The following TMEM117 variants were observed in gnomAD, a reference collection of about 807,000 sequenced individuals.
TMEM117 encodes transmembrane protein 117.
In TMEM117, 27 loss-of-function variants were observed where a neutral mutation model predicts 52.4. The observed-to-expected ratio is 0.51, with a 90% CI of 0.38 to 0.71. TMEM117 has a LOEUF of 0.71. Ranked by LOEUF, TMEM117 falls within the 30% of genes least tolerant of loss-of-function variation. The pLI is 0.00. For synonymous variants in TMEM117, 215 were observed against 206.3 expected, an observed-to-expected ratio of 1.04 and a Z score of -0.36; for missense variants, 556 against 630.5, an observed-to-expected ratio of 0.88 and a Z score of 1.26.
At position 44,142,491 on chromosome 12, in the gene TMEM117, A is replaced by G. The variant is rs926897073; in HGVS notation, c.411-1034A>G. Among the ~76,000 whole-genome samples, 5 of 152,186 alleles carry G rather than the reference A, an allele frequency of 3.3e-5. No individual in the cohort carries two copies. In the East Asian group the frequency reaches 7.7e-4, roughly 23 times the overall value. Reference sequence around the variant, plus strand: ...CAGAAAAGAAAAGACTGAATTGGAGATAGTTTACCTCTCAGTGACTTCAAA... The same window carrying G: ...CAGAAAAGAAAAGACTGAATTGGAGGTAGTTTACCTCTCAGTGACTTCAAA... On this transcript the variant is annotated intron_variant, in intron 3 of 7. Transcript: ENST00000266534.
At chr12:44,223,640 T>C (rs1949820128) in intron 5 of TMEM117, among the ~76,000 whole-genome samples, 1 of 152,200 alleles carries the variant, frequency 6.6e-6, no homozygotes, top group Admixed American at 6.6e-5. Flanking sequence ...AAGAATAGGC[T>C]GCTCACATTT....
chr12:44,169,183 G>A (rs991160536), intron 4 of TMEM117, among the ~76,000 whole-genome samples: 4 of 152,132 alleles, frequency 2.6e-5, no homozygotes, highest in Non-Finnish European at 5.9e-5. Flanking sequence ...ATCTCTTCAA[G>A]TCTCTGTTTT....
intron 3 of TMEM117, among the ~76,000 whole-genome samples, chr12:44,096,040 T>C (rs1947754809): frequency 6.6e-6 from 1 of 152,148 alleles, no homozygotes; most frequent in African/African-American, 2.4e-5. Context: ...AAAATCAATG[T>C]ACAAAAATCA....
intron 2 of TMEM117, among the ~76,000 whole-genome samples, chr12:43,902,616 G>A (rs1027417906): frequency 6.6e-6 from 1 of 152,094 alleles, no homozygotes; most frequent in African/African-American, 2.4e-5. Context: ...GAGGGTATTG[G>A]AACCAGACAG....
At chr12:43,806,155 AGCCCTCCCG>A in the TMEM117 span, 14 of 1,374,884 alleles carry the variant, frequency 1.0e-5, no homozygotes, top group Non-Finnish European at 1.3e-5. Context: ...CCGGTCCTGC[AGCCCTCCCG>A]GCTCTCCCGG....
intron 2 of TMEM117, among the ~76,000 whole-genome samples, chr12:43,901,275 G>T (rs1944299539): frequency 6.6e-6 from 1 of 151,928 alleles, no homozygotes; most frequent in Non-Finnish European, 1.5e-5. Flanking sequence ...TTCAACAATA[G>T]ATCATTCATT....
rs187770788 is a variant in TMEM117, at chr12:44,099,525, T to A, written c.411-44000T>A. On this transcript the variant is annotated intron_variant, in intron 3 of 7. Transcript: ENST00000266534. ...AGTAGGGTGTCTAAAACTTTAAAAC[T>A]TTTTGTTTTGTTTTTCAAACTTTTG... 7.2e-5 allele frequency among the ~76,000 whole-genome samples: 11 copies of A among 152,226 alleles called. No homozygotes were observed. In the East Asian group the frequency reaches 9.7e-4, roughly 13 times the overall value.
chr12:44,178,488 T>G (rs1021037139), intron 4 of TMEM117, among the ~76,000 whole-genome samples: 2 of 151,206 alleles, frequency 1.3e-5, no homozygotes, highest in Non-Finnish European at 1.5e-5. Flanking sequence ...TATGCAGAAC[T>G]GTATATCTTC....
At chr12:44,165,189 C>T (rs73290245) in intron 4 of TMEM117, among the ~76,000 whole-genome samples, 11,791 of 152,018 alleles carry the variant, frequency 0.078, 1,380 homozygotes, top group African/African-American at 0.26. Flanking sequence ...TGTGAACACA[C>T]AAAAGTTTAA....
intron 3 of TMEM117, among the ~76,000 whole-genome samples, chr12:43,953,029 A>G (rs1489144622): frequency 6.6e-6 from 1 of 152,194 alleles, no homozygotes; most frequent in East Asian, 1.9e-4. Flanking sequence ...CCAGAATTTC[A>G]TATCCAGCCA....
intron 5 of TMEM117, among the ~76,000 whole-genome samples, chr12:44,242,189 G>C (rs1424508670): frequency 2.0e-5 from 3 of 151,074 alleles, no homozygotes; most frequent in Non-Finnish European, 3.0e-5. Context: ...TGTTATATAG[G>C]TAAACTCATG....
At position 44,376,005 on chromosome 12, in the gene TMEM117, A is replaced by G. The variant is rs181978324; in HGVS notation, c.769-590A>G. On this transcript the variant is annotated intron_variant, in intron 6 of 7. Transcript: ENST00000266534. ...TAATTCACTGTTGATCCCTCATGCT[A>G]CCATGTCAGGTCTTCCATTATTTGG... is the stretch of plus-strand genomic sequence containing the variant. 3.9e-5 allele frequency among the ~76,000 whole-genome samples: 6 copies of G among 152,296 alleles called. No homozygotes were observed. The East Asian group carries it at 1.2e-3, about 29-fold the overall frequency.
chr12:44,084,335 C>T, intron 3 of TMEM117, among the ~76,000 whole-genome samples: 1 of 152,054 alleles, frequency 6.6e-6, no homozygotes, highest in Non-Finnish European at 1.5e-5. Context: ...TGATAACTAC[C>T]TAAGCCATTA....
chr12:44,170,215 G>C (rs1333775169), intron 4 of TMEM117, among the ~76,000 whole-genome samples: 1 of 146,972 alleles, frequency 6.8e-6, no homozygotes, highest in East Asian at 2.0e-4. Flanking sequence ...AACACCACAT[G>C]TTCTCACTCA....
At chr12:44,122,568 C>T (rs1948255146) in intron 3 of TMEM117, among the ~76,000 whole-genome samples, 1 of 152,154 alleles carries the variant, frequency 6.6e-6, no homozygotes, top group African/African-American at 2.4e-5. Context: ...TCTCCCACCT[C>T]CCACCCTCTG....
intron 3 of TMEM117, among the ~76,000 whole-genome samples, chr12:44,082,520 A>G (rs1816988354): frequency 6.6e-6 from 1 of 152,054 alleles, no homozygotes; most frequent in African/African-American, 2.4e-5. Flanking sequence ...TATGGTTTTT[A>G]AAACACATTT....
chr12:44,114,883 A>T (rs1948110543), intron 3 of TMEM117, among the ~76,000 whole-genome samples: 1 of 152,208 alleles, frequency 6.6e-6, no homozygotes, highest in Non-Finnish European at 1.5e-5. Context: ...TAGACATTCT[A>T]GTTTGGTGTT....
intron 4 of TMEM117, among the ~76,000 whole-genome samples, chr12:44,152,066 GATATA>G (rs1296352315): frequency 3.7e-5 from 4 of 107,772 alleles, no homozygotes; most frequent in East Asian, 5.3e-4. Context: ...TTATATTATA[GATATA>G]ATATATATTT....
At chr12:44,206,182 C>T (rs1949563867) in intron 4 of TMEM117, among the ~76,000 whole-genome samples, 1 of 152,154 alleles carries the variant, frequency 6.6e-6, no homozygotes, top group Non-Finnish European at 1.5e-5. Flanking sequence ...TAAAAGCATT[C>T]CTTATGGGAA....
Sources: gnomAD v4.1 joint callset for allele counts (sites outside exome capture counted in the v4.1 genomes callset) on GRCh38, gnomAD v4.1.1 for gene constraint, MANE v1.5 for transcripts, NCBI Gene and HGNC (gene_info 2026-07-23, HGNC 2026-07-21) for gene names.